TAFA1: variants seen among roughly 807,000 people sequenced by gnomAD.
The protein encoded by TAFA1 is TAFA chemokine like family member 1.
TAFA1 carries 4 observed loss-of-function variants against 18.5 expected under a neutral mutation model. The ratio of observed to expected loss-of-function variants is 0.22; its 90% CI spans 0.11 to 0.49. The LOEUF is 0.49. Among genes scored for constraint, TAFA1 ranks in the 20% least tolerant of loss-of-function variants. The pLI, the probability that TAFA1 is intolerant of heterozygous loss-of-function variation, is 0.98. For missense variants in TAFA1, 147 were observed against 169.0 expected (o/e 0.87, Z 0.72); for synonymous variants, 56 against 55.2 (o/e 1.01, Z -0.06).
intron 3 of TAFA1, among the ~76,000 whole-genome samples, chr3:68,514,473 T>C (rs950975737): frequency 9.2e-5 from 14 of 152,198 alleles, no homozygotes; most frequent in African/African-American, 3.1e-4. Context: ...CCAGTATGGC[T>C]TTTCTTGGTT....
chr3:68,463,013 A>T (rs185172869), intron 3 of TAFA1, among the ~76,000 whole-genome samples: 1 of 152,300 alleles, frequency 6.6e-6, no homozygotes, highest in Non-Finnish European at 1.5e-5. Context: ...AAAAATGTAG[A>T]TTGGGCAACT....
At chr3:68,169,808 C>T (rs934608781) in intron 2 of TAFA1, among the ~76,000 whole-genome samples, 2 of 152,140 alleles carry the variant, frequency 1.3e-5, no homozygotes, top group Non-Finnish European at 2.9e-5. Flanking sequence ...CAATTTGTAG[C>T]AAATGTTTAA....
chr3:68,520,284 T>G (rs1235980030), intron 3 of TAFA1, among the ~76,000 whole-genome samples: 1 of 152,206 alleles, frequency 6.6e-6, no homozygotes, highest in Non-Finnish European at 1.5e-5. Flanking sequence ...CAAGTAGAGA[T>G]AGATTTCAGC....
intron 2 of TAFA1, among the ~76,000 whole-genome samples, chr3:68,254,454 C>T (rs1039599216): frequency 6.6e-6 from 1 of 151,872 alleles, no homozygotes; most frequent in Non-Finnish European, 1.5e-5. Context: ...CTTTTTTAAA[C>T]CTGGAAGAAA....
chr3:68,063,983 C>T (rs2064640067), intron 2 of TAFA1, among the ~76,000 whole-genome samples: 1 of 152,140 alleles, frequency 6.6e-6, no homozygotes, highest in Admixed American at 6.5e-5. Context: ...TTTTACCTTT[C>T]CAATGTGAGT....
chr3:67,993,392 G>T, the TAFA1 span, among the ~76,000 whole-genome samples: 4 of 152,292 alleles, frequency 2.6e-5, no homozygotes, highest in African/African-American at 9.6e-5. Flanking sequence ...CTGTAAGGCG[G>T]AAGCAGCAAT....
At chr3:68,381,543 G>A (rs1214714968) in intron 2 of TAFA1, among the ~76,000 whole-genome samples, 1 of 152,168 alleles carries the variant, frequency 6.6e-6, no homozygotes, top group Non-Finnish European at 1.5e-5. Flanking sequence ...ATGTGAATGG[G>A]AGTTCACTCA....
chr3:68,452,372 A>C (rs1280513703), intron 3 of TAFA1, among the ~76,000 whole-genome samples: 2 of 151,786 alleles, frequency 1.3e-5, no homozygotes, highest in African/African-American at 4.8e-5. Context: ...AAAATACAAC[A>C]ATTAGCTGGG....
intron 2 of TAFA1, among the ~76,000 whole-genome samples, chr3:68,199,380 T>C (rs1441938834): frequency 6.6e-6 from 1 of 151,544 alleles, no homozygotes; most frequent in East Asian, 1.9e-4. Context: ...AGAATCAATT[T>C]GTCAATATCT....
chr3:68,439,342 T>C (rs149787123), intron 3 of TAFA1, among the ~76,000 whole-genome samples: 77 of 147,812 alleles, frequency 5.2e-4, no homozygotes, highest in African/African-American at 1.9e-3. Flanking sequence ...ACTCTTGAGT[T>C]TGGCCTTCTA....
intron 2 of TAFA1, among the ~76,000 whole-genome samples, chr3:68,041,439 T>G (rs921758339): frequency 6.6e-6 from 1 of 152,242 alleles, no homozygotes; most frequent in South Asian, 2.1e-4. Flanking sequence ...TCATATAGAC[T>G]ATTTCATGCA....
chr3:68,429,141 A>C (rs1399975503), intron 3 of TAFA1, among the ~76,000 whole-genome samples: 1 of 151,860 alleles, frequency 6.6e-6, no homozygotes, highest in Non-Finnish European at 1.5e-5. Context: ...TCTTGGGCTC[A>C]TTCTGGATAT....
intron 2 of TAFA1, among the ~76,000 whole-genome samples, chr3:68,014,215 A>T (rs563555469): frequency 1.1e-3 from 172 of 152,326 alleles, no homozygotes; most frequent in African/African-American, 4.0e-3. Context: ...TAGATAAGCT[A>T]ATACACAGGC....
intron 3 of TAFA1, among the ~76,000 whole-genome samples, chr3:68,439,746 T>C (rs2071338726): frequency 6.6e-6 from 1 of 151,892 alleles, no homozygotes; most frequent in South Asian, 2.1e-4. Flanking sequence ...TTAATCTCCT[T>C]TGGCAACACC....
chr3:68,498,795 TAGAA>T (rs1469299973), intron 3 of TAFA1, among the ~76,000 whole-genome samples: 8 of 135,210 alleles, frequency 5.9e-5, no homozygotes, highest in Non-Finnish European at 9.1e-5. Flanking sequence ...GGCCACCATG[TAGAA>T]AGAAACATTT....
At chr3:68,257,313 G>T (rs925824098) in intron 2 of TAFA1, among the ~76,000 whole-genome samples, 7 of 151,974 alleles carry the variant, frequency 4.6e-5, no homozygotes, top group African/African-American at 1.7e-4. Context: ...TTCCAACAGG[G>T]CATACTGACC....
intron 3 of TAFA1, among the ~76,000 whole-genome samples, chr3:68,474,524 A>G (rs2072055676): frequency 6.6e-6 from 1 of 152,246 alleles, no homozygotes; most frequent in Non-Finnish European, 1.5e-5. Context: ...TAGCAGAGTC[A>G]AACTCACTAA....
intron 2 of TAFA1, among the ~76,000 whole-genome samples, chr3:68,265,202 C>G (rs186009854): frequency 6.6e-6 from 1 of 152,276 alleles, no homozygotes; most frequent in African/African-American, 2.4e-5. Flanking sequence ...AGGCTCTGAT[C>G]CCTTAGATCT....
At chr3:68,383,283 C>T (rs995773979) in intron 2 of TAFA1, among the ~76,000 whole-genome samples, 15 of 150,050 alleles carry the variant, frequency 1.0e-4, no homozygotes, top group African/African-American at 3.4e-4. Flanking sequence ...GGGAAATGTT[C>T]CAGCTTTTGC....
Sources: allele counts gnomAD v4.1 joint callset (sites outside exome capture counted in the v4.1 genomes callset), GRCh38; gene constraint gnomAD v4.1.1; transcripts MANE v1.5; gene names NCBI Gene and HGNC (gene_info 2026-07-23, HGNC 2026-07-21).